Variants in TBL1X observed in about 807,000 individuals in gnomAD.
The protein encoded by TBL1X is F-box-like/WD repeat-containing protein TBL1X.
In TBL1X, 10 loss-of-function variants were observed where a neutral mutation model predicts 50.7. That is an observed-to-expected ratio of 0.20 (90% CI 0.12 to 0.33). TBL1X has a LOEUF of 0.33. Among genes scored for constraint, TBL1X ranks in the 10% least tolerant of loss-of-function variants. The pLI is 1.00. For synonymous variants in TBL1X, 190 were observed against 214.7 expected (o/e 0.88, Z 1.01); for missense variants, 340 against 504.4 (o/e 0.67, Z 3.12).
At chrX:9,497,876 C>CCTCCCTCCCT (rs2081980652) in intron 1 of TBL1X, among the ~76,000 whole-genome samples, 1 of 95,630 alleles carries the variant, frequency 1.0e-5, no homozygotes, top group East Asian at 3.4e-4. Flanking sequence ...TCTCCCTCTC[C>CCTCCCTCCCT]CTCCCTCCCT....
chrX:9,597,788 G>T (rs944776049), intron 2 of TBL1X, among the ~76,000 whole-genome samples: 10 of 112,032 alleles, frequency 8.9e-5, no homozygotes, highest in African/African-American at 3.2e-4. Context: ...GCCCAAGAGA[G>T]GAATGACCAG....
intron 2 of TBL1X, among the ~76,000 whole-genome samples, chrX:9,605,772 A>G (rs760562802): frequency 8.9e-6 from 1 of 112,562 alleles, no homozygotes; most frequent in East Asian, 2.8e-4. Context: ...TCTGTGTGCT[A>G]GGGCTTTTGT....
intron 2 of TBL1X, among the ~76,000 whole-genome samples, chrX:9,557,603 G>A (rs1381767975): frequency 9.0e-6 from 1 of 111,636 alleles, no homozygotes; most frequent in Non-Finnish European, 1.9e-5. Context: ...AGCGATTGAG[G>A]AGTTAAAGGG....
chrX:9,542,920 G>A (rs1361599031), intron 2 of TBL1X, among the ~76,000 whole-genome samples: 1 of 112,106 alleles, frequency 8.9e-6, no homozygotes, highest in Non-Finnish European at 1.9e-5. Context: ...AATTGGCCTC[G>A]CAGTGGGGAG....
intron 2 of TBL1X, among the ~76,000 whole-genome samples, chrX:9,540,882 T>C (rs2082210952): frequency 8.9e-6 from 1 of 112,156 alleles, no homozygotes; most frequent in Admixed American, 9.4e-5. Flanking sequence ...TATTGTCTTT[T>C]AAAGGTTGTA....
intron 1 of TBL1X, among the ~76,000 whole-genome samples, chrX:9,467,781 C>T (rs1204817213): frequency 8.9e-6 from 1 of 111,969 alleles, no homozygotes; most frequent in African/African-American, 3.3e-5. Flanking sequence ...GACTGGCAAA[C>T]ATGAAACCCA....
chrX:9,604,378 C>T (rs776348299), intron 2 of TBL1X, among the ~76,000 whole-genome samples: 1 of 110,009 alleles, frequency 9.1e-6, no homozygotes, highest in Non-Finnish European at 1.9e-5. Flanking sequence ...CAGAATTAGC[C>T]GGGTAGACTT....
intron 2 of TBL1X, among the ~76,000 whole-genome samples, chrX:9,548,987 T>TA (rs1337087480): frequency 8.8e-6 from 1 of 113,346 alleles, no homozygotes; most frequent in Non-Finnish European, 1.9e-5. Context: ...TGGTAAGTGT[T>TA]ACAATTCATG....
chrX:9,514,400 TAC>T (rs1408661817), intron 2 of TBL1X, among the ~76,000 whole-genome samples: 2 of 111,264 alleles, frequency 1.8e-5, no homozygotes, highest in Non-Finnish European at 3.8e-5. Flanking sequence ...CCTTGCTAGT[TAC>T]AGAGAGGTTT....
At chrX:9,515,228 T>C (rs1313776284) in intron 2 of TBL1X, among the ~76,000 whole-genome samples, 3 of 111,958 alleles carry the variant, frequency 2.7e-5, no homozygotes, top group Admixed American at 9.5e-5. Flanking sequence ...AACTTTTCTC[T>C]CTCAAGTGAT....
intron 2 of TBL1X, among the ~76,000 whole-genome samples, chrX:9,570,486 G>A (rs1213394484): frequency 9.0e-6 from 1 of 111,147 alleles, no homozygotes; most frequent in African/African-American, 3.3e-5. Context: ...GCAGGATTAA[G>A]CCCTTAAAAC....
At chrX:9,597,604 G>A (rs956224920) in intron 2 of TBL1X, among the ~76,000 whole-genome samples, 14 of 112,446 alleles carry the variant, frequency 1.2e-4, no homozygotes, top group Admixed American at 2.8e-4. Context: ...AGCTACAGGC[G>A]CTGACAGAGT....
In TBL1X at chrX:9,573,046, A is replaced by C. The variant is rs955641233; in HGVS notation, c.-130-67227A>C. ...GCTTTCTGTTGCTTCAAACTAAATA[A>C]GGCATTATCTTCACTTTTCCTTTTG... On this transcript the variant is annotated intron_variant, in intron 2 of 17. Transcript: ENST00000645353. Among the ~76,000 whole-genome samples, 4 of 112,932 alleles carry C rather than the reference A, an allele frequency of 3.5e-5. No individual in the cohort carries two copies. In the East Asian group the frequency reaches 1.1e-3, roughly 31 times the overall value.
At chrX:9,568,662 T>A (rs2082365408) in intron 2 of TBL1X, among the ~76,000 whole-genome samples, 1 of 107,407 alleles carries the variant, frequency 9.3e-6, no homozygotes, top group East Asian at 3.0e-4. Flanking sequence ...GTATGTCGTG[T>A]CTGTGCAGTG....
rs1376250644 is a variant in TBL1X, at chrX:9,716,113, G to A, written c.1708-107G>A. 21 of 825,853 alleles carry A rather than the reference G, an allele frequency of 2.5e-5. No homozygotes were observed. In the South Asian group the frequency reaches 2.9e-4, roughly 11 times the overall value. The allele number at this position is 825,853 out of a possible 1,213,427, so 68.1% of individuals were successfully genotyped here. A position where few individuals can be genotyped will look rare whatever the true frequency, so the allele number is the denominator to read the frequency against. On this transcript the variant is annotated intron_variant, in intron 17 of 17. Transcript: ENST00000645353. ...CCAATAAACTTTACTGACAAACATC[G>A]GTGGAGGGCTAGATTGGGCGTGGGG... is the stretch of plus-strand genomic sequence containing the variant.
chrX:9,586,004 G>A (rs1479891516), intron 2 of TBL1X, among the ~76,000 whole-genome samples: 1 of 112,159 alleles, frequency 8.9e-6, no homozygotes, highest in Non-Finnish European at 1.9e-5. Flanking sequence ...AAAATAGTAA[G>A]TGTTGGCAGG....
intron 2 of TBL1X, among the ~76,000 whole-genome samples, chrX:9,551,005 G>A (rs1166995495): frequency 1.8e-5 from 2 of 111,416 alleles, no homozygotes; most frequent in African/African-American, 3.3e-5. Flanking sequence ...TGTTCATAGC[G>A]CCAGAGGTGG....
At chrX:9,523,985 T>TTTTTA (rs1555963929) in intron 2 of TBL1X, among the ~76,000 whole-genome samples, 2 of 94,836 alleles carry the variant, frequency 2.1e-5, no homozygotes, top group African/African-American at 8.1e-5. Context: ...TTTTTTTTTT[T>TTTTTA]TAGACAGAGT....
Position 9,635,941 on chromosome X carries a change from C to T in TBL1X, c.-130-4332C>T, listed in dbSNP as rs1306249569. On this transcript the variant is annotated intron_variant, in intron 2 of 17. Transcript: ENST00000645353. ...TCAGCTGCTGCCTGGAAAAACACAA[C>T]GTGGTTCAGCCACGCAGTAGCATAG... Among the ~76,000 whole-genome samples the T allele has an allele frequency of 8.0e-5, 9 of 112,481 alleles. No homozygotes were observed. In the East Asian group the frequency reaches 1.4e-3, roughly 17 times the overall value.
Sources: allele counts gnomAD v4.1 joint callset (sites outside exome capture counted in the v4.1 genomes callset), GRCh38; gene constraint gnomAD v4.1.1; transcripts MANE v1.5; gene names NCBI Gene and HGNC (gene_info 2026-07-23, HGNC 2026-07-21).